Variants in WAPL observed in about 807,000 individuals in gnomAD.
WAPL encodes the protein wings apart-like protein homolog.
In WAPL, 5 loss-of-function variants were observed where a neutral mutation model predicts 121.0. That is an observed-to-expected ratio of 0.04 (90% CI 0.02 to 0.09). The LOEUF is 0.09. Among genes scored for constraint, WAPL ranks in the 10% least tolerant of loss-of-function variants. WAPL has a pLI of 1.00. For missense variants in WAPL, 999 were observed against 1,410.8 expected (o/e 0.71, Z 4.68); for synonymous variants, 480 against 481.5 (o/e 1.00, Z 0.04).
In WAPL at chr10:86,471,037, C is replaced by T. The variant is rs555666896; in HGVS notation, c.2097G>A (p.Met699Ile). ...SFRMHLRAHG[M>I]VAMVFKTLDD... ...CCAAGGTTTTAAAGACCATTGCTAC[C>T]ATCCCATGTGCTCTCAGGTGCATTC... The change falls in exon 8 of 19, where the codon ATG (methionine) becomes ATA (isoleucine). Residue 699 changes from methionine to isoleucine, a missense_variant. This residue lies in a region of WAPL where 118 missense variants were observed against 318.3 expected (regional missense o/e 0.37). Transcript: ENST00000298767. 6.2e-7 allele frequency: 1 copy of T among 1,613,966 alleles called. No individual in the cohort carries two copies. Among genetic ancestry groups the T allele is most frequent in the Admixed American group, 1.7e-5 (1 of 60,022 alleles).
chr10:86,486,959 C>T (rs961746337), intron 4 of WAPL, among the ~76,000 whole-genome samples: 1 of 151,338 alleles, frequency 6.6e-6, no homozygotes, highest in Admixed American at 6.6e-5. Flanking sequence ...CCTGTCTCAA[C>T]AACAAAAAAA....
intron 15 of WAPL, among the ~76,000 whole-genome samples, chr10:86,450,400 CAACT>C (rs1017689911): frequency 5.3e-5 from 8 of 152,230 alleles, no homozygotes; most frequent in South Asian, 2.1e-4. Flanking sequence ...CACACTCAAC[CAACT>C]GTTTTATTTT....
chr10:86,493,714 A>G (rs1166637609), intron 4 of WAPL, among the ~76,000 whole-genome samples: 1 of 149,512 alleles, frequency 6.7e-6, no homozygotes, highest in Non-Finnish European at 1.5e-5. Context: ...TTTTTTTAAG[A>G]GATGGGGCCA....
intron 15 of WAPL, among the ~76,000 whole-genome samples, chr10:86,447,858 C>A (rs999505579): frequency 4.0e-5 from 6 of 151,514 alleles, no homozygotes; most frequent in Admixed American, 3.9e-4. Flanking sequence ...GCGACTAGCC[C>A]GGCAAACACA....
chr10:86,521,077 C>G (rs973107134), intron 1 of WAPL, among the ~76,000 whole-genome samples: 2 of 152,166 alleles, frequency 1.3e-5, no homozygotes, highest in Non-Finnish European at 1.5e-5. Context: ...GTGCAAGGCC[C>G]CAGTGGCGGC....
Position 86,497,376 on chromosome 10 carries a change from A to G in WAPL, c.1526-57T>C, listed in dbSNP as rs927215565. On this transcript the variant is annotated intron_variant, in intron 3 of 18. Transcript: ENST00000298767. ...TAATATTTCAAATTACCTACCAGAC[A>G]ACCTATCAAGATTATATATACATGA... The G allele has an allele frequency of 3.9e-6, 5 of 1,269,926 alleles. No homozygotes were observed. The African/African-American group carries it at 7.5e-5, about 19-fold the overall frequency. 78.7% of individuals were successfully genotyped at this position (1,269,926 alleles called of 1,614,324 possible).
chr10:86,437,944 T>G lies in WAPL; in HGVS notation c.3483A>C (p.Lys1161Asn), dbSNP rs1334985272. ...DFSIMTEMLK[K>N]FLSFMNLTCA... is the part of the protein sequence containing the mutation. ...CAGTGAGATTCATAAAACTCAAAAA[T>G]TTTTTGAGCATCTCTGTCATTATTG... The change falls in exon 18 of 19, where the codon AAA (lysine) becomes AAC (asparagine). Residue 1161 changes from lysine to asparagine, a missense_variant. Lys to Asn is a moderately conservative substitution (Grantham distance 94). Around this residue, in one of 7 missense-constraint regions of WAPL, gnomAD observed 35 missense variants for 80.3 expected, o/e 0.44. Coordinates refer to ENST00000298767, the MANE Select transcript of WAPL (RefSeq NM_015045.5). The G allele has an allele frequency of 6.2e-7, 1 of 1,613,294 alleles. No homozygotes were observed. Among genetic ancestry groups the G allele is most frequent in the Non-Finnish European group, 8.5e-7 (1 of 1,179,450 alleles).
At chr10:86,470,932 G>C (rs1442506648) in intron 8 of WAPL, 60 bp downstream of exon 8, 2 of 1,349,374 alleles carry the variant, frequency 1.5e-6, no homozygotes, top group Admixed American at 3.8e-5. Flanking sequence ...ATTTTTGATA[G>C]CCAAATAGAC....
intron 9 of WAPL, among the ~76,000 whole-genome samples, chr10:86,465,696 G>A (rs188825422): frequency 8.8e-4 from 134 of 152,292 alleles, no homozygotes; most frequent in Middle Eastern, 3.4e-3. Context: ...CGGATGTGGG[G>A]TGTAATGGCA....
chr10:86,467,031 G>T (rs1841414598), intron 9 of WAPL: 2 of 417,416 alleles, frequency 4.8e-6, no homozygotes, highest in Non-Finnish European at 4.3e-6. Context: ...AAAGAGAAAA[G>T]GATTAGACAA....
chr10:86,462,629 A>T (rs1294657959), intron 9 of WAPL, among the ~76,000 whole-genome samples: 1 of 147,740 alleles, frequency 6.8e-6, no homozygotes, highest in African/African-American at 2.5e-5. Flanking sequence ...CTGAGGCAGG[A>T]GGAATTGCTT....
Position 86,451,958 on chromosome 10 carries a change from G to T in WAPL, c.3114+9C>A, listed in dbSNP as rs778406822. The T allele has an allele frequency of 7.4e-6, 12 of 1,611,702 alleles. No homozygotes were observed. In the South Asian group the frequency reaches 1.2e-4, roughly 16 times the overall value. The stretch of plus-strand genomic sequence containing the variant: ...CAGTTATGAGTTTGTTTTTAAAGTG[G>T]TTGCTTACCTGCACTAAAGCCTGGA... On this transcript the variant is annotated intron_variant, in intron 15 of 18. Coordinates refer to ENST00000298767, the MANE Select transcript of WAPL (RefSeq NM_015045.5).
chr10:86,453,617 T>C, intron 13 of WAPL, 39 bp downstream of exon 13: 3 of 1,570,750 alleles, frequency 1.9e-6, no homozygotes, highest in Non-Finnish European at 2.6e-6. Context: ...ACATGCAATA[T>C]ACATCTTTCA....
At position 86,499,899 on chromosome 10, in the gene WAPL, G is replaced by A; in HGVS notation, c.1344C>T (p.Tyr448=). Residue 448 remains tyrosine, a synonymous_variant, in exon 3 of 19, where the codon TAC becomes TAT. Transcript: ENST00000298767. ...CATCAAAGCCAAAATACTTAATTTTGTAATTAGAACTTCCAGAACCTCCTT... is the reference window on the plus strand; with the variant it reads ...CATCAAAGCCAAAATACTTAATTTTATAATTAGAACTTCCAGAACCTCCTT... ...GDEGGSGSSN[Y]KIKYFGFDDL... is the part of the protein sequence containing the mutation. 1 of 1,613,912 alleles carries A rather than the reference G, an allele frequency of 6.2e-7. No homozygotes were observed. Among genetic ancestry groups the A allele is most frequent in the African/African-American group, 1.3e-5 (1 of 74,972 alleles).
chr10:86,474,029 A>G lies in WAPL; in HGVS notation c.1645-56T>C, dbSNP rs7918172. The G allele has an allele frequency of 2.2e-6, 3 of 1,380,610 alleles. No homozygotes were observed. In the African/African-American group the frequency reaches 4.3e-5, roughly 20 times the overall value. The allele number at this position is 1,380,610 out of a possible 1,614,324, so 85.5% of individuals were successfully genotyped here. The stretch of plus-strand genomic sequence containing the variant: ...CCATCCTTATAAAAGACTCTCAACT[A>G]AAAATCATAAAGAATAATTTATATG... On this transcript the variant is annotated intron_variant, in intron 4 of 18. Transcript: ENST00000298767.
intron 4 of WAPL, among the ~76,000 whole-genome samples, chr10:86,477,180 T>C (rs1358671528): frequency 1.3e-5 from 2 of 151,968 alleles, no homozygotes; most frequent in East Asian, 2.0e-4. Context: ...AACATACACA[T>C]ATGGCAGGGA....
chr10:86,506,564 G>C (rs1346106790), intron 2 of WAPL, among the ~76,000 whole-genome samples: 1 of 152,064 alleles, frequency 6.6e-6, no homozygotes, highest in Admixed American at 6.6e-5. Flanking sequence ...AAAGCAGGGG[G>C]ATCACTTGCA....
intron 15 of WAPL, among the ~76,000 whole-genome samples, chr10:86,451,170 G>A (rs1049734708): frequency 6.6e-6 from 1 of 151,646 alleles, no homozygotes; most frequent in African/African-American, 2.4e-5. Flanking sequence ...TGAACTCCTG[G>A]ACTCAAGTGA....
At chr10:86,454,098 C>T in intron 12 of WAPL, among the ~76,000 whole-genome samples, 1 of 152,050 alleles carries the variant, frequency 6.6e-6, no homozygotes, top group Non-Finnish European at 1.5e-5. Context: ...AGAGACAGAC[C>T]ACAACCCTTT....
Sources: gnomAD v4.1 joint callset for allele counts (sites outside exome capture counted in the v4.1 genomes callset) on GRCh38, gnomAD v4.1.1 for gene constraint, gnomAD v4.1.1 regional missense constraint, MANE v1.5 for transcripts, NCBI Gene and HGNC (gene_info 2026-07-23, HGNC 2026-07-21) for gene names.